Variants in HTR4 observed in about 807,000 individuals in gnomAD.
HTR4 encodes the protein 5-hydroxytryptamine receptor 4.
A neutral mutation model predicts 36.8 loss-of-function variants in HTR4; 16 were observed. The ratio of observed to expected loss-of-function variants is 0.43; its 90% confidence interval spans 0.29 to 0.66. The LOEUF is 0.66. HTR4 is among the 30% of genes least tolerant of loss of function. HTR4 has a pLI of 0.13. For synonymous variants in HTR4, 189 were observed against 185.1 expected (o/e 1.02, Z -0.17); for missense variants, 438 against 490.9 (o/e 0.89, Z 1.02).
At chr5:148,514,732 TTA>T (rs1179435531) in intron 5 of HTR4, among the ~76,000 whole-genome samples, 1 of 152,164 alleles carries the variant, frequency 6.6e-6, no homozygotes, top group Non-Finnish European at 1.5e-5. Flanking sequence ...TATTATAAGG[TTA>T]TCATGTATCA....
rs887725581 is a variant in HTR4 at position 148,482,860 on chromosome 5, C to G, written c.*343G>C. ...AGACATCAGTGACCGAGATAGGACG[C>G]AGCAAGCTATCGTGCTTAGAACGTG... On this transcript the variant is annotated 3_prime_UTR_variant, in exon 7 of 7. Coordinates refer to ENST00000377888, the MANE Select transcript of HTR4 (RefSeq NM_000870.7). The G allele has an allele frequency of 1.7e-6, 2 of 1,153,348 alleles. No individual in the cohort carries two copies. The highest frequency in any genetic ancestry group is 2.2e-6 in the Non-Finnish European group (2 of 927,874). 71.4% of individuals were successfully genotyped at this position (1,153,348 alleles called of 1,614,324 possible).
At chr5:148,632,371 T>A (rs1753353816) in intron 2 of HTR4, among the ~76,000 whole-genome samples, 1 of 152,112 alleles carries the variant, frequency 6.6e-6, no homozygotes, top group African/African-American at 2.4e-5. Flanking sequence ...GAAACATTAA[T>A]AAGAAAGCAC....
chr5:148,544,415 T>C (rs970678715), intron 4 of HTR4, among the ~76,000 whole-genome samples: 1 of 152,252 alleles, frequency 6.6e-6, no homozygotes, highest in South Asian at 2.1e-4. Context: ...TGCTAAACAT[T>C]AGAGTCTGCC....
At chr5:148,633,452 C>T (rs947561141) in intron 2 of HTR4, among the ~76,000 whole-genome samples, 5 of 151,562 alleles carry the variant, frequency 3.3e-5, no homozygotes, top group East Asian at 1.9e-4. Context: ...CATATGTATA[C>T]ATGTGCCATG....
chr5:148,494,300 C>T (rs1217426267), intron 6 of HTR4, among the ~76,000 whole-genome samples: 1 of 152,134 alleles, frequency 6.6e-6, no homozygotes, highest in Non-Finnish European at 1.5e-5. Flanking sequence ...TGACATGGTA[C>T]CTGCCCTCAT....
chr5:148,578,954 T>C (rs1346225867), intron 2 of HTR4, among the ~76,000 whole-genome samples: 1 of 152,102 alleles, frequency 6.6e-6, no homozygotes, highest in Non-Finnish European at 1.5e-5. Context: ...CTCCTAATTA[T>C]GCTGAGCTTT....
downstream of HTR4, chr5:148,476,804 A>G: frequency 6.2e-7 from 1 of 1,609,286 alleles, no homozygotes; most frequent in Non-Finnish European, 8.5e-7. Context: ...GCATATCAAA[A>G]TGTCACAGGA....
At chr5:148,540,310 G>A (rs115938108) in intron 4 of HTR4, among the ~76,000 whole-genome samples, 1,560 of 147,656 alleles carry the variant, frequency 0.011, 29 homozygotes, top group African/African-American at 0.036. Flanking sequence ...TGTATACAAC[G>A]AACCCCTGTG....
chr5:148,548,452 G>C (rs1418683027), intron 4 of HTR4, among the ~76,000 whole-genome samples: 1 of 152,122 alleles, frequency 6.6e-6, no homozygotes, highest in African/African-American at 2.4e-5. Flanking sequence ...CAAGTTATAG[G>C]TCTTACTAAT....
At chr5:148,600,122 A>G (rs1045923534) in intron 2 of HTR4, among the ~76,000 whole-genome samples, 1 of 151,230 alleles carries the variant, frequency 6.6e-6, no homozygotes, top group African/African-American at 2.4e-5. Context: ...CTAGACATAC[A>G]TTCAAATATA....
intron 6 of HTR4, among the ~76,000 whole-genome samples, chr5:148,508,934 G>A (rs572586525): frequency 1.0e-3 from 156 of 151,698 alleles, no homozygotes; most frequent in African/African-American, 3.6e-3. Context: ...TTAAAGGTGA[G>A]GAAAGTAAAA....
chr5:148,508,583 A>G (rs920784557), intron 6 of HTR4, among the ~76,000 whole-genome samples: 1 of 152,042 alleles, frequency 6.6e-6, no homozygotes, highest in African/African-American at 2.4e-5. Flanking sequence ...CCATGTCTCA[A>G]ATTCTTAGGA....
Position 148,537,874 on chromosome 5 carries a change from A to G in HTR4, c.353+10794T>C, listed in dbSNP as rs537838125. Among the ~76,000 whole-genome samples the G allele has an allele frequency of 9.1e-4, 138 of 152,212 alleles. 2 individuals carry two copies. The highest frequency in any genetic ancestry group is 2.4e-4 in the Non-Finnish European group (16 of 68,000). On this transcript the variant is annotated intron_variant, in intron 4 of 6. Transcript: ENST00000377888. ...ATTGAGGAGGAGAGACTCCTCCCCA[A>G]CCCATCGTATGAGACCAGCATCGTC...
chr5:148,584,744 C>A (rs934193981), intron 2 of HTR4, among the ~76,000 whole-genome samples: 1 of 152,194 alleles, frequency 6.6e-6, no homozygotes, highest in African/African-American at 2.4e-5. Context: ...CAAGGAGTTA[C>A]AGGCAGAAGC....
chr5:148,566,247 A>T (rs774300322), intron 2 of HTR4, among the ~76,000 whole-genome samples: 7 of 152,222 alleles, frequency 4.6e-5, no homozygotes, highest in Non-Finnish European at 8.8e-5. Flanking sequence ...ACAGTAAAGC[A>T]CAAGCTCAAC....
chr5:148,582,775 C>G (rs182371792), intron 2 of HTR4, among the ~76,000 whole-genome samples: 6 of 152,160 alleles, frequency 3.9e-5, no homozygotes, highest in African/African-American at 1.4e-4. Flanking sequence ...GATTTTTGTA[C>G]GTTGATTTTG....
intron 1 of HTR4, among the ~76,000 whole-genome samples, chr5:148,641,163 A>G (rs1301456390): frequency 6.6e-6 from 1 of 152,198 alleles, no homozygotes; most frequent in Admixed American, 6.5e-5. Flanking sequence ...CAGTGCTTTT[A>G]TCTTGAATAC....
Position 148,483,010 on chromosome 5 carries a change from A to T in HTR4, c.*193T>A. On this transcript the variant is annotated 3_prime_UTR_variant, in exon 7 of 7. Transcript: ENST00000377888. ...ATAAAAAGTGAACAAGGAGGCCATT[A>T]TGTCCCCTGACTCCCTCCAGCGCCA... is the stretch of plus-strand genomic sequence containing the variant. 1 of 1,438,068 alleles carries T rather than the reference A, an allele frequency of 7.0e-7. No individual in the cohort carries two copies. The highest frequency in any genetic ancestry group is 1.5e-5 in the South Asian group (1 of 65,798). 89.1% of individuals were successfully genotyped at this position (1,438,068 alleles called of 1,614,324 possible). A position where few individuals can be genotyped will look rare whatever the true frequency, so the allele number is the denominator to read the frequency against.
chr5:148,612,844 G>A (rs1197802617), intron 2 of HTR4, among the ~76,000 whole-genome samples: 4 of 141,282 alleles, frequency 2.8e-5, no homozygotes, highest in South Asian at 2.4e-4. Flanking sequence ...ATGATAAAGG[G>A]GATATCACCA....
Sources: allele counts gnomAD v4.1 joint callset (sites outside exome capture counted in the v4.1 genomes callset), GRCh38; gene constraint gnomAD v4.1.1; transcripts MANE v1.5; gene names NCBI Gene and HGNC (gene_info 2026-07-23, HGNC 2026-07-21).